The following GRIK4 variants were observed in gnomAD, a reference collection of about 807,000 sequenced individuals.
The protein encoded by GRIK4 is glutamate ionotropic receptor kainate type subunit 4.
Under a neutral mutation model 104.9 loss-of-function variants are expected in GRIK4, and 40 were observed. The ratio of observed to expected loss-of-function variants is 0.38; its 90% confidence interval spans 0.30 to 0.50. The LOEUF is 0.50. GRIK4 is among the 20% of genes least tolerant of loss of function. The pLI is 0.93. For missense variants in GRIK4, 1,047 were observed against 1,308.1 expected (o/e 0.80, Z 3.08); for synonymous variants, 485 against 524.9 (o/e 0.92, Z 1.04).
At chr11:120,772,311 G>A (rs900068100) in intron 3 of GRIK4, among the ~76,000 whole-genome samples, 2 of 152,176 alleles carry the variant, frequency 1.3e-5, no homozygotes, top group African/African-American at 2.4e-5. Context: ...CAGAGGCGGG[G>A]AAGTCCAAGA....
rs769098489 is a variant in GRIK4, at chr11:120,831,966, A to G, written c.626A>G (p.Asp209Gly). 11 of 1,613,902 alleles carry G rather than the reference A, an allele frequency of 6.8e-6. No homozygotes were observed. The highest frequency in any genetic ancestry group is 9.3e-6 in the Non-Finnish European group (11 of 1,179,948). Residue 209 changes from aspartate (D) to glycine (G), a missense_variant, in exon 7 of 21, where the codon GAC (aspartate) becomes GGC (glycine). This residue lies in a region of GRIK4 where 447 missense variants were observed against 514.9 expected (regional missense o/e 0.87). Transcript: ENST00000527524. ...ACCCCGCTCCTCAAGGAGATCCGGG[A>G]CGACAAGACCGCCACCATCATCATC... Reference protein sequence around the residue: ...DPTPLLKEIRDDKTATIIIHA... With the variant: ...DPTPLLKEIRGDKTATIIIHA...
chr11:120,802,965 A>T (rs1952648392), intron 4 of GRIK4, 108 bp downstream of exon 4: 1 of 960,820 alleles, frequency 1.0e-6, no homozygotes, highest in African/African-American at 1.6e-5. Flanking sequence ...TCTGATGTCG[A>T]TATTTCCAGA....
At chr11:120,757,524 A>T (rs1218797957) in intron 3 of GRIK4, among the ~76,000 whole-genome samples, 2 of 152,234 alleles carry the variant, frequency 1.3e-5, no homozygotes, top group Non-Finnish European at 2.9e-5. Flanking sequence ...GTAGCCATTA[A>T]TATCTCTTTC....
In GRIK4 at chr11:120,956,223, C is replaced by T. The variant is rs1944144486; in HGVS notation, c.1701-557C>T. Among the ~76,000 whole-genome samples the T allele has an allele frequency of 7.0e-6, 1 of 142,288 alleles. No homozygotes were observed. The highest frequency in any genetic ancestry group is 2.6e-5 in the African/African-American group (1 of 38,948). 93.3% of individuals were successfully genotyped at this position (142,288 alleles called of 152,430 possible). A position where few individuals can be genotyped will look rare whatever the true frequency, so the allele number is the denominator to read the frequency against. On this transcript the variant is annotated intron_variant, in intron 15 of 20. Coordinates refer to ENST00000527524, the MANE Select transcript of GRIK4 (RefSeq NM_014619.5). This position sits in a 1 kb window ranked among gnomAD's most constrained non-coding sequence, Gnocchi z 4.6. ...TTAATCTTTTTTTTTTTTTTTGAGACAGGGTCTCACTCTGTTTGTCCAGGC... is the reference window on the plus strand; with the variant it reads ...TTAATCTTTTTTTTTTTTTTTGAGATAGGGTCTCACTCTGTTTGTCCAGGC...
chr11:120,940,296 G>A lies in GRIK4; in HGVS notation c.1477-51G>A. 1.8e-6 allele frequency: 2 copies of A among 1,119,568 alleles called. No individual in the cohort carries two copies. Among genetic ancestry groups the A allele is most frequent in the Non-Finnish European group, 1.4e-6 (1 of 740,578 alleles). The allele number at this position is 1,119,568 out of a possible 1,614,324, so 69.4% of individuals were successfully genotyped here. On this transcript the variant is annotated intron_variant, in intron 13 of 20. Transcript: ENST00000527524. This position sits in a 1 kb window ranked among gnomAD's most constrained non-coding sequence, Gnocchi z 4.3. ...ACGGTTGCTGGTCGCAAGTCTCTGT[G>A]CCTCTTCTCCTATGGCCACCCCACT...
At chr11:120,857,350 G>A (rs916913612) in intron 8 of GRIK4, among the ~76,000 whole-genome samples, 1 of 152,150 alleles carries the variant, frequency 6.6e-6, no homozygotes, top group Non-Finnish European at 1.5e-5. Context: ...CTTCCACGTA[G>A]CTCTCAAGCC....
intron 19 of GRIK4, among the ~76,000 whole-genome samples, chr11:120,971,586 A>G (rs1944476632): frequency 6.6e-6 from 1 of 152,246 alleles, no homozygotes; most frequent in African/African-American, 2.4e-5. Context: ...GAAATTACCA[A>G]AAGGATTACA....
intron 1 of GRIK4, among the ~76,000 whole-genome samples, chr11:120,645,332 C>G (rs1336137799): frequency 1.3e-5 from 2 of 152,216 alleles, no homozygotes; most frequent in Non-Finnish European, 2.9e-5. Flanking sequence ...TGCCTGCCTC[C>G]CCTAACACAG....
At chr11:120,962,253 G>A (rs1047545283) in intron 17 of GRIK4, among the ~76,000 whole-genome samples, 1 of 152,108 alleles carries the variant, frequency 6.6e-6, no homozygotes, top group Non-Finnish European at 1.5e-5. Flanking sequence ...AGGTATCAAA[G>A]GCACAACTCC....
In GRIK4 at chr11:120,791,230, A is replaced by G. The variant is rs1952388337; in HGVS notation, c.83-11463A>G. Among the ~76,000 whole-genome samples the G allele has an allele frequency of 2.0e-5, 3 of 152,168 alleles. No individual in the cohort carries two copies. In the South Asian group the frequency reaches 6.2e-4, roughly 32 times the overall value. On this transcript the variant is annotated intron_variant, in intron 3 of 20. Transcript: ENST00000527524. ...GGAGCGAGGGAAGAGGTTGGGGCATATGAGAGTTCTGGTTCTTCCATATCC... is the reference window on the plus strand; with the variant it reads ...GGAGCGAGGGAAGAGGTTGGGGCATGTGAGAGTTCTGGTTCTTCCATATCC...
Position 120,889,588 on chromosome 11 carries a change from C to CT in GRIK4, c.1165-8944_1165-8943insT, listed in dbSNP as rs776440015. Among the ~76,000 whole-genome samples, 153 of 67,080 alleles carry CT rather than the reference C, an allele frequency of 2.3e-3. 1 individual carries two copies. The highest frequency in any genetic ancestry group is 0.013 in the Middle Eastern group (1 of 76). 44.0% of individuals were successfully genotyped at this position (67,080 alleles called of 152,430 possible). On this transcript the variant is annotated intron_variant, in intron 11 of 20. Transcript: ENST00000527524. ...AATAGAATAAAATAGAAAGAGCTTA[C>CT]ATTTTTTTTTTTTTTTTTTTTTTTT...
At chr11:120,832,115 G>C (rs1160922155) in intron 7 of GRIK4, 85 bp downstream of exon 7, 1 of 901,806 alleles carries the variant, frequency 1.1e-6, no homozygotes, top group East Asian at 2.6e-5. Flanking sequence ...AGCTGAGGCT[G>C]ACGGAGCCCC....
At chr11:120,711,363 C>G (rs1950732578) in intron 3 of GRIK4, among the ~76,000 whole-genome samples, 1 of 152,116 alleles carries the variant, frequency 6.6e-6, no homozygotes, top group South Asian at 2.1e-4. Context: ...ATCTGCTGCC[C>G]CAAGTCAGAG....
chr11:120,885,364 G>C (rs966461175), intron 11 of GRIK4, among the ~76,000 whole-genome samples: 5 of 151,750 alleles, frequency 3.3e-5, no homozygotes, highest in African/African-American at 1.2e-4. Flanking sequence ...AGGAAGTTGG[G>C]GTGTAGGCAA....
chr11:120,715,460 G>GA (rs1480500566), intron 3 of GRIK4, among the ~76,000 whole-genome samples: 3 of 152,194 alleles, frequency 2.0e-5, no homozygotes, highest in Non-Finnish European at 2.9e-5. Flanking sequence ...CCTAGAGGTT[G>GA]TTCTGTGAAT....
At chr11:120,650,240 C>G (rs546798687) in intron 1 of GRIK4, among the ~76,000 whole-genome samples, 2 of 152,302 alleles carry the variant, frequency 1.3e-5, no homozygotes, top group South Asian at 4.1e-4. Flanking sequence ...TGGAGAAAAT[C>G]GGCCCTCAAT....
chr11:120,771,324 G>A (rs1450473640), intron 3 of GRIK4, among the ~76,000 whole-genome samples: 1 of 152,174 alleles, frequency 6.6e-6, no homozygotes, highest in Non-Finnish European at 1.5e-5. Flanking sequence ...GTGGAGGAGA[G>A]GACATCCTTC....
At chr11:120,745,969 T>C (rs1236161546) in intron 3 of GRIK4, among the ~76,000 whole-genome samples, 1 of 152,130 alleles carries the variant, frequency 6.6e-6, no homozygotes, top group Admixed American at 6.5e-5. Context: ...CAACCCAGCA[T>C]TGTGATTCCA....
chr11:120,762,310 G>A (rs1951764763), intron 3 of GRIK4, among the ~76,000 whole-genome samples: 1 of 152,178 alleles, frequency 6.6e-6, no homozygotes, highest in South Asian at 2.1e-4. Flanking sequence ...AGACTTTGCT[G>A]AAGTTGCTTA....
Sources: allele counts gnomAD v4.1 joint callset (sites outside exome capture counted in the v4.1 genomes callset), GRCh38; gene constraint gnomAD v4.1.1; regional missense constraint gnomAD v4.1.1; non-coding constraint Gnocchi (gnomAD v3.1); transcripts MANE v1.5; gene names NCBI Gene and HGNC (gene_info 2026-07-23, HGNC 2026-07-21).